CDC5L: variants seen among roughly 807,000 people sequenced by gnomAD.
CDC5L encodes the protein cell division cycle 5-like protein.
CDC5L carries 18 observed loss-of-function variants against 104.1 expected under a neutral mutation model. The observed-to-expected ratio is 0.17, with a 90% CI of 0.12 to 0.26. CDC5L has a LOEUF of 0.26. CDC5L is among the 10% of genes least tolerant of loss of function. CDC5L has a pLI of 1.00. For missense variants in CDC5L, 673 were observed against 956.9 expected, an observed-to-expected ratio of 0.70 and a Z score of 3.91; for synonymous variants, 331 against 322.7, an observed-to-expected ratio of 1.03 and a Z score of -0.28.
chr6:44,445,096 C>G (rs1318847437), intron 14 of CDC5L, among the ~76,000 whole-genome samples: 1 of 152,196 alleles, frequency 6.6e-6, no homozygotes, highest in East Asian at 1.9e-4. Flanking sequence ...CCAAAGGGTG[C>G]AGTCCCTGAA....
rs113422908 is a variant in CDC5L, at chr6:44,419,577, A to G, written c.1221A>G (p.Thr407=). ...PQRQVVQTPN[T]VLSTPFRTPS... is the part of the protein sequence containing the mutation. ...GACAAGTTGTACAGACTCCAAACAC[A>G]GTTCTCTCTACTCCATTCAGGTATT... Residue 407 remains threonine, a synonymous_variant, in exon 9 of 16, where the codon ACA becomes ACG. Coordinates refer to ENST00000371477, the MANE Select transcript of CDC5L (RefSeq NM_001253.4). 7.9e-4 allele frequency: 1,275 copies of G among 1,613,482 alleles called. 8 individuals carry two copies. In the African/African-American group the frequency reaches 0.014, roughly 18 times the overall value.
At chr6:44,437,119 A>C (rs1293510689) in intron 14 of CDC5L, among the ~76,000 whole-genome samples, 1 of 152,210 alleles carries the variant, frequency 6.6e-6, no homozygotes, top group Non-Finnish European at 1.5e-5. Flanking sequence ...TTTAGGAAAT[A>C]AAGTTTTATA....
chr6:44,422,696 C>G lies in CDC5L; in HGVS notation c.1291C>G (p.Pro431Ala). Reference protein sequence around the residue: ...EGLTPRSGTTPKPVINSTPGR... With the variant: ...EGLTPRSGTTAKPVINSTPGR... ...GCTGACTCCCCGGAGTGGAACAACT[C>G]CCAAACCAGTTATTAACTCTACTCC... The change falls in exon 10 of 16, where the codon CCC becomes GCC. Residue 431 changes from proline (P) to alanine (A), a missense_variant. Physicochemically the swap from Pro to Ala is conservative, Grantham distance 27. Coordinates refer to ENST00000371477, the MANE Select transcript of CDC5L (RefSeq NM_001253.4). The G allele has an allele frequency of 5.0e-6, 8 of 1,613,138 alleles. No homozygotes were observed. In the South Asian group the frequency reaches 8.8e-5, roughly 18 times the overall value.
chr6:44,446,761 C>G lies in CDC5L; in HGVS notation c.*50C>G, dbSNP rs752833648. The G allele has an allele frequency of 2.3e-6, 2 of 873,212 alleles. No individual in the cohort carries two copies. Among genetic ancestry groups the G allele is most frequent in the South Asian group, 3.1e-5 (2 of 64,038 alleles). The allele number at this position is 873,212 out of a possible 1,614,324, so 54.1% of individuals were successfully genotyped here. On this transcript the variant is annotated 3_prime_UTR_variant, in exon 16 of 16. Transcript: ENST00000371477. Reference sequence around the variant, plus strand: ...GATTAATTAATTGCCGGTTTTCATACTCTAGAAGGCTGAAACTGATGTTTA... The same window carrying G: ...GATTAATTAATTGCCGGTTTTCATAGTCTAGAAGGCTGAAACTGATGTTTA...
intron 9 of CDC5L, 48 bp from the exon 10 acceptor site, chr6:44,422,599 T>A: frequency 8.0e-7 from 1 of 1,242,558 alleles, no homozygotes; most frequent in Non-Finnish European, 1.1e-6. Flanking sequence ...GAAAGCACAA[T>A]CCAAATGTAA....
rs1452729842 is a variant in CDC5L at position 44,393,438 on chromosome 6, T to C, written c.312-8T>C. ...TAGTGTGACTAACTCCTATGGGCTT[T>C]TTTCTAGGGATAAAGCTGCCCAAAG... On this transcript the variant is annotated splice_polypyrimidine_tract_variant and splice_region_variant and intron_variant, in intron 3 of 15. Coordinates refer to ENST00000371477, the MANE Select transcript of CDC5L (RefSeq NM_001253.4). The C allele has an allele frequency of 6.2e-7, 1 of 1,613,022 alleles. No individual in the cohort carries two copies. Among genetic ancestry groups the C allele is most frequent in the African/African-American group, 1.3e-5 (1 of 74,790 alleles).
At chr6:44,391,074 A>T (rs1303573974) in intron 2 of CDC5L, among the ~76,000 whole-genome samples, 4 of 105,914 alleles carry the variant, frequency 3.8e-5, no homozygotes, top group Non-Finnish European at 7.0e-5. Flanking sequence ...AATATGTTAT[A>T]TATTATATAT....
chr6:44,438,969 C>T (rs973452641), intron 14 of CDC5L, among the ~76,000 whole-genome samples: 2 of 152,132 alleles, frequency 1.3e-5, no homozygotes, highest in Admixed American at 6.6e-5. Context: ...GGAACATTTA[C>T]ATCACCTCAG....
chr6:44,393,353 T>G lies in CDC5L; in HGVS notation c.312-93T>G, dbSNP rs1790706271. 4 of 1,213,430 alleles carry G rather than the reference T, an allele frequency of 3.3e-6. No individual in the cohort carries two copies. The Admixed American group carries it at 7.0e-5, about 21-fold the overall frequency. 75.2% of individuals were successfully genotyped at this position (1,213,430 alleles called of 1,614,324 possible). A position where few individuals can be genotyped will look rare whatever the true frequency, so the allele number is the denominator to read the frequency against. ...GTTAAAGCCCATCCATTGGTTTTTT[T>G]GGGGGGAAAAATATCGTCAGAACTT... On this transcript the variant is annotated intron_variant, in intron 3 of 15. Coordinates refer to ENST00000371477, the MANE Select transcript of CDC5L (RefSeq NM_001253.4).
At chr6:44,390,452 C>A in intron 2 of CDC5L, 81 bp downstream of exon 2, 1 of 873,712 alleles carries the variant, frequency 1.1e-6, no homozygotes. Context: ...TGAACCTTAT[C>A]AAAGAAAGCA....
intron 6 of CDC5L, 75 bp downstream of exon 6, chr6:44,404,102 T>G: frequency 1.1e-6 from 1 of 898,972 alleles, no homozygotes; most frequent in Non-Finnish European, 1.7e-6. Flanking sequence ...GTATTATCCT[T>G]GTCAGAGCCA....
chr6:44,401,727 A>G (rs909146988), intron 5 of CDC5L, among the ~76,000 whole-genome samples: 5 of 151,520 alleles, frequency 3.3e-5, no homozygotes, highest in Non-Finnish European at 5.9e-5. Flanking sequence ...ATATGTATAC[A>G]TGTGCCATGC....
chr6:44,396,216 C>G (rs1178424206), intron 4 of CDC5L, 125 bp from the exon 5 acceptor site: 1 of 556,808 alleles, frequency 1.8e-6, no homozygotes, highest in Admixed American at 3.8e-5. Context: ...TTATGCTACA[C>G]CATAAAATCA....
intron 2 of CDC5L, 89 bp from the exon 3 acceptor site, chr6:44,392,578 A>G (rs1790671241): frequency 4.3e-6 from 5 of 1,155,196 alleles, no homozygotes; most frequent in Non-Finnish European, 6.2e-6. Flanking sequence ...TAATTGAAGG[A>G]TGAGAGCACA....
rs758049414 is a variant in CDC5L at position 44,426,693 on chromosome 6, A to T, written c.1862A>T (p.Tyr621Phe). 3 of 1,612,948 alleles carry T rather than the reference A, an allele frequency of 1.9e-6. No homozygotes were observed. The Admixed American group carries it at 5.0e-5, about 27-fold the overall frequency. ...EHITYLEHNP[Y>F]EKFSKEELKK... ...ATTACCTATCTGGAACATAATCCTT[A>T]TGAAAAGTTCTCCAAAGAAGAGCTG... The change falls in exon 13 of 16, where the codon TAT (tyrosine) becomes TTT (phenylalanine). Residue 621 changes from tyrosine to phenylalanine, a missense_variant. Physicochemically the swap from Tyr to Phe is conservative, Grantham distance 22. Transcript: ENST00000371477.
chr6:44,406,239 A>T, intron 6 of CDC5L, 84 bp from the exon 7 acceptor site: 1 of 1,027,366 alleles, frequency 9.7e-7, no homozygotes, highest in Non-Finnish European at 1.4e-6. Flanking sequence ...TTGTTTGTTC[A>T]AAGGGTTTGA....
intron 14 of CDC5L, among the ~76,000 whole-genome samples, chr6:44,433,558 T>C (rs1385192773): frequency 1.3e-5 from 2 of 152,170 alleles, no homozygotes; most frequent in Non-Finnish European, 2.9e-5. Flanking sequence ...AAAGTGGATT[T>C]TGTCACGTTA....
chr6:44,390,711 C>T lies in CDC5L; in HGVS notation c.149+340C>T, dbSNP rs115025978. On this transcript the variant is annotated intron_variant, in intron 2 of 15. Transcript: ENST00000371477. ...AAGTCTACTTTCAGGGACAGATGAG[C>T]CCCAGCTTGTAAATTAATTGTGTTC... Among the ~76,000 whole-genome samples the T allele has an allele frequency of 8.0e-3, 1,212 of 152,148 alleles. 21 individuals carry two copies. Among genetic ancestry groups the T allele is most frequent in the African/African-American group, 0.028 (1,158 of 41,522 alleles).
chr6:44,396,158 C>T (rs1219891175), intron 4 of CDC5L, among the ~76,000 whole-genome samples, 183 bp from the exon 5 acceptor site: 2 of 152,160 alleles, frequency 1.3e-5, no homozygotes, highest in Non-Finnish European at 2.9e-5. Flanking sequence ...AGTGGTGGGC[C>T]TGGTTTTTAA....
Sources: gnomAD v4.1 joint callset for allele counts (sites outside exome capture counted in the v4.1 genomes callset) on GRCh38, gnomAD v4.1.1 for gene constraint, MANE v1.5 for transcripts, NCBI Gene and HGNC (gene_info 2026-07-23, HGNC 2026-07-21) for gene names.